Variants in SCML4 observed in about 807,000 individuals in gnomAD.
SCML4 encodes sex comb on midleg-like protein 4.
A neutral mutation model predicts 41.1 loss-of-function variants in SCML4; 34 were observed. The observed-to-expected ratio is 0.83, with a 90% confidence interval of 0.63 to 1.10. The LOEUF is 1.10. SCML4 is among the 50% of genes least tolerant of loss of function. The probability of loss-of-function intolerance (pLI) is 0.00; values close to 1 mark genes in which losing one functional copy is unlikely to be tolerated. For synonymous variants in SCML4, 214 were observed against 220.9 expected (o/e 0.97, Z 0.28); for missense variants, 522 against 534.1 (o/e 0.98, Z 0.22).
At chr6:107,790,577 G>A (rs1782249195) in intron 1 of SCML4, among the ~76,000 whole-genome samples, 2 of 152,156 alleles carry the variant, frequency 1.3e-5, no homozygotes, top group Admixed American at 1.3e-4. Context: ...AGCTTTCACA[G>A]TTTACCTTTT....
intron 6 of SCML4, chr6:107,720,378 T>C (rs1018358812): frequency 6.5e-5 from 67 of 1,030,288 alleles, no homozygotes; most frequent in Non-Finnish European, 7.7e-5. Flanking sequence ...CCTATGTCCC[T>C]ATATTGAGAT....
At chr6:107,753,763 G>C (rs1421596285) in intron 2 of SCML4, among the ~76,000 whole-genome samples, 1 of 152,198 alleles carries the variant, frequency 6.6e-6, no homozygotes, top group African/African-American at 2.4e-5. Context: ...TTGTACAGAA[G>C]AGTGTGTGGA....
At chr6:107,737,755 C>G (rs1055669771) in intron 5 of SCML4, among the ~76,000 whole-genome samples, 1 of 150,772 alleles carries the variant, frequency 6.6e-6, no homozygotes, top group Non-Finnish European at 1.5e-5. Flanking sequence ...AATGGTGAGC[C>G]GGGTGGGAGG....
intron 1 of SCML4, among the ~76,000 whole-genome samples, chr6:107,804,255 G>GTGTGTGTGTC (rs1416400131): frequency 6.6e-6 from 1 of 151,884 alleles, no homozygotes; most frequent in Non-Finnish European, 1.5e-5. Context: ...AAACGTGTGT[G>GTGTGTGTGTC]TGTGTGCACA....
At chr6:107,770,762 C>A (rs1232448510) in intron 2 of SCML4, among the ~76,000 whole-genome samples, 1 of 152,166 alleles carries the variant, frequency 6.6e-6, no homozygotes, top group Non-Finnish European at 1.5e-5. Context: ...CCCAGGAATG[C>A]TGAGTCTGTT....
intron 5 of SCML4, among the ~76,000 whole-genome samples, chr6:107,743,416 T>C (rs1777770202): frequency 6.6e-6 from 1 of 152,192 alleles, no homozygotes; most frequent in South Asian, 2.1e-4. Context: ...TCATTGTGTG[T>C]TCAATGTAAC....
At chr6:107,778,902 C>A (rs573626722) in intron 1 of SCML4, among the ~76,000 whole-genome samples, 1 of 152,178 alleles carries the variant, frequency 6.6e-6, no homozygotes, top group African/African-American at 2.4e-5. Flanking sequence ...ACATCCCGGC[C>A]GGGCGCGGTG....
intron 1 of SCML4, among the ~76,000 whole-genome samples, chr6:107,779,508 T>C (rs549424840): frequency 1.3e-5 from 2 of 152,252 alleles, no homozygotes; most frequent in South Asian, 2.1e-4. Context: ...AAGGCTTCTG[T>C]TGTTTCTGTA....
rs200680801 is a variant in SCML4, at chr6:107,707,990, G to A, written c.995C>T (p.Ala332Val). The A allele has an allele frequency of 1.6e-3, 2,426 of 1,551,000 alleles. 24 individuals are homozygous for A. Among genetic ancestry groups the A allele is most frequent in the South Asian group, 0.015 (1,254 of 84,048 alleles). The stretch of plus-strand genomic sequence containing the variant: ...GCTCCGTGGCCGCCTGGCATCCTGC[G>A]CATCCTGAGAAGGGCTTGAGGCTGG... Reference protein sequence around the residue: ...NRCASSPSQDAQDARRPRSRN... With the variant: ...NRCASSPSQDVQDARRPRSRN... Residue 332 changes from alanine (A) to valine (V), a missense_variant, in exon 7 of 8, where the codon GCG becomes GTG. Physicochemically the swap from Ala to Val is moderately conservative, Grantham distance 64. Coordinates refer to ENST00000369020, the MANE Select transcript of SCML4 (RefSeq NM_198081.5).
In SCML4 at chr6:107,746,774, G is replaced by C. The variant is rs1308775086; in HGVS notation, c.402C>G (p.Ala134=). ...PERPSAVLQQ[A]VQACIDCAHQ... ...GGGCGCAGTCGATGCAGGCTTGGAC[G>C]GCCTGCTGCAGCACCGCCGATGGCC... Residue 134 remains alanine, a synonymous_variant, in exon 4 of 8, where the codon GCC becomes GCG. Transcript: ENST00000369020. The C allele has an allele frequency of 1.9e-6, 3 of 1,613,752 alleles. No individual in the cohort carries two copies. The highest frequency in any genetic ancestry group is 2.5e-6 in the Non-Finnish European group (3 of 1,179,978).
chr6:107,762,908 G>A (rs1779724376), intron 2 of SCML4, among the ~76,000 whole-genome samples: 2 of 110,560 alleles, frequency 1.8e-5, no homozygotes, highest in Admixed American at 1.3e-4. Flanking sequence ...TTTTGTTCAA[G>A]GTCTCACTCT....
chr6:107,844,954 G>C, the SCML4 span, among the ~76,000 whole-genome samples: 1 of 133,924 alleles, frequency 7.5e-6, no homozygotes, highest in African/African-American at 3.1e-5. Context: ...AAAAAAAAAA[G>C]GCCTGGCATG....
At chr6:107,801,336 C>A (rs567626634) in intron 1 of SCML4, among the ~76,000 whole-genome samples, 47 of 152,310 alleles carry the variant, frequency 3.1e-4, no homozygotes, top group African/African-American at 1.1e-3. Flanking sequence ...CCCCACCTCC[C>A]TTTTCTGGCT....
chr6:107,798,599 T>C (rs978017884), intron 1 of SCML4, among the ~76,000 whole-genome samples: 1 of 152,044 alleles, frequency 6.6e-6, no homozygotes, highest in Non-Finnish European at 1.5e-5. Context: ...GTCTATTGAT[T>C]TTTGTTCTTA....
intron 1 of SCML4, among the ~76,000 whole-genome samples, chr6:107,782,590 C>T (rs980593671): frequency 6.6e-6 from 1 of 152,260 alleles, no homozygotes; most frequent in Non-Finnish European, 1.5e-5. Context: ...AGGTGTTGTT[C>T]CCCTAGTTCC....
chr6:107,758,083 A>G (rs773238180), intron 2 of SCML4, among the ~76,000 whole-genome samples: 21 of 152,232 alleles, frequency 1.4e-4, no homozygotes, highest in Admixed American at 6.5e-5. Context: ...AATCAGACAG[A>G]CATTTATTCA....
intron 1 of SCML4, among the ~76,000 whole-genome samples, chr6:107,791,126 G>A (rs890834170): frequency 6.6e-6 from 1 of 151,702 alleles, no homozygotes; most frequent in African/African-American, 2.4e-5. Flanking sequence ...GAGGCAACAG[G>A]GATGTGTCAT....
intron 1 of SCML4, among the ~76,000 whole-genome samples, chr6:107,806,186 T>TC (rs35905486): frequency 0.02 from 579 of 28,938 alleles, no homozygotes; most frequent in Middle Eastern, 0.059. Context: ...AACAGAGATT[T>TC]CCCCCCCCCC....
chr6:107,753,999 A>C lies in SCML4; in HGVS notation c.157-4186T>G, dbSNP rs117464515. 5.1e-3 allele frequency among the ~76,000 whole-genome samples: 781 copies of C among 152,282 alleles called. 11 individuals carry two copies. The East Asian group carries it at 0.063, about 12-fold the overall frequency. Reference sequence around the variant, plus strand: ...CCCCAAGATATGGAAGCTGAGTGGGAGGACAGAGGAGGTGGGTGTGGTCAT... The same window carrying C: ...CCCCAAGATATGGAAGCTGAGTGGGCGGACAGAGGAGGTGGGTGTGGTCAT... On this transcript the variant is annotated intron_variant, in intron 2 of 7. Transcript: ENST00000369020.
Sources: allele counts gnomAD v4.1 joint callset (sites outside exome capture counted in the v4.1 genomes callset), GRCh38; gene constraint gnomAD v4.1.1; transcripts MANE v1.5; gene names NCBI Gene and HGNC (gene_info 2026-07-23, HGNC 2026-07-21).